ANKRD26: variants seen among roughly 807,000 people sequenced by gnomAD.
ANKRD26 encodes the protein ankyrin repeat domain 26, also known as ankyrin repeat domain-containing protein 26.
In ANKRD26, 141 loss-of-function variants were observed where a neutral mutation model predicts 208.7. The ratio of observed to expected loss-of-function variants is 0.68; its 90% CI spans 0.59 to 0.78. The LOEUF (loss-of-function observed/expected upper bound fraction) is 0.78, where lower values mean the gene tolerates loss of function less well. ANKRD26 is among the 30% of genes least tolerant of loss of function. ANKRD26 has a pLI of 0.00. For missense variants in ANKRD26, 1,889 were observed against 1,938.7 expected, an observed-to-expected ratio of 0.97 and a Z score of 0.48; for synonymous variants, 636 against 660.4, an observed-to-expected ratio of 0.96 and a Z score of 0.57.
the ANKRD26 span, among the ~76,000 whole-genome samples, chr10:26,964,910 G>A: frequency 6.6e-6 from 1 of 152,182 alleles, no homozygotes; most frequent in Non-Finnish European, 1.5e-5. Context: ...GATAAACTTT[G>A]ATAGTGAGCT....
intron 5 of ANKRD26, among the ~76,000 whole-genome samples, chr10:26,977,469 T>C (rs1274694565): frequency 6.6e-6 from 1 of 152,212 alleles, no homozygotes; most frequent in Non-Finnish European, 1.5e-5. Flanking sequence ...TCAGAAGATA[T>C]AATATTTTCT....
At chr10:27,051,110 T>C (rs749599339) in intron 16 of ANKRD26, 94 of 1,288,356 alleles carry the variant, frequency 7.3e-5, no homozygotes, top group Non-Finnish European at 8.0e-5. Context: ...ACTCTACTTT[T>C]AACATGCCTA....
rs991488259 is a variant in ANKRD26, at chr10:27,004,845, C to T, written c.*745G>A. On this transcript the variant is annotated 3_prime_UTR_variant, in exon 34 of 34. Transcript: ENST00000376087. ...GATCCTTTTGCTATAAAGGACATTA[C>T]AGAGAAGTAACAAACTAGAATGTAT... 1 of 168,192 alleles carries T rather than the reference C, an allele frequency of 5.9e-6. No individual in the cohort carries two copies. The highest frequency in any genetic ancestry group is 1.2e-5 in the Non-Finnish European group (1 of 82,774). 10.4% of individuals were successfully genotyped at this position (168,192 alleles called of 1,614,324 possible). A position where few individuals can be genotyped will look rare whatever the true frequency, so the allele number is the denominator to read the frequency against.
At chr10:26,976,605 T>C (rs1308799356) in intron 5 of ANKRD26, among the ~76,000 whole-genome samples, 1 of 152,182 alleles carries the variant, frequency 6.6e-6, no homozygotes, top group Non-Finnish European at 1.5e-5. Context: ...TGCTGTACAA[T>C]GATAATGACT....
At position 27,100,271 on chromosome 10, in the gene ANKRD26, C is replaced by G. The variant is rs201912159; in HGVS notation, c.56G>C (p.Arg19Pro). 1 of 1,609,998 alleles carries G rather than the reference C, an allele frequency of 6.2e-7. No homozygotes were observed. Residue 19 changes from arginine (R) to proline (P), a missense_variant, in exon 1 of 34, where the codon CGG (arginine) becomes CCG (proline). By Grantham distance (103) the Arg-to-Pro change is moderately radical (BLOSUM62 -2). Coordinates refer to ENST00000376087, the MANE Select transcript of ANKRD26 (RefSeq NM_014915.3). The part of the protein sequence containing the change: ...GESPLGSFAR[R>P]QRSSAGGGGE... Reference sequence around the variant, plus strand: ...CCCGCCTCCCGCGCTGCTCCTCTGCCGCCGCGCGAAGGAGCCCAAGGGCGA... The same window carrying G: ...CCCGCCTCCCGCGCTGCTCCTCTGCGGCCGCGCGAAGGAGCCCAAGGGCGA...
intron 21 of ANKRD26, among the ~76,000 whole-genome samples, chr10:27,039,557 CCA>C (rs1388307516): frequency 1.3e-5 from 2 of 151,722 alleles, no homozygotes; most frequent in African/African-American, 4.8e-5. Flanking sequence ...AAAATCTGGA[CCA>C]AAGGCCTTTT....
At chr10:27,000,079 T>C (rs1480124014), downstream of ANKRD26, among the ~76,000 whole-genome samples, 1 of 152,088 alleles carries the variant, frequency 6.6e-6, no homozygotes, top group East Asian at 1.9e-4. Flanking sequence ...GCTTCCCTGA[T>C]GGAAACCAGC....
rs764884515 is a variant in ANKRD26, at chr10:27,012,875, A to T, written c.4953+7T>A. The T allele has an allele frequency of 5.6e-6, 9 of 1,609,984 alleles. No individual in the cohort carries two copies. The African/African-American group carries it at 1.2e-4, about 22-fold the overall frequency. ...AAACCCAAAGGAAAAAAGACAACAT[A>T]ACTAACCTTGCTCAAGTAGTTCTCC... is the stretch of plus-strand genomic sequence containing the variant. On this transcript the variant is annotated splice_region_variant and intron_variant, in intron 32 of 33. Coordinates refer to ENST00000376087, the MANE Select transcript of ANKRD26 (RefSeq NM_014915.3).
chr10:27,036,818 T>G (rs1420003815), intron 23 of ANKRD26, among the ~76,000 whole-genome samples: 1 of 152,120 alleles, frequency 6.6e-6, no homozygotes, highest in African/African-American at 2.4e-5. Context: ...AGCAATAAAC[T>G]AACCTCTCCA....
chr10:27,051,023 G>T, intron 16 of ANKRD26: 1 of 1,193,052 alleles, frequency 8.4e-7, no homozygotes, highest in Non-Finnish European at 1.1e-6. Context: ...AATTGATAGA[G>T]AAAAAAACAA....
chr10:27,014,405 TC>T, intron 31 of ANKRD26, 88 bp downstream of exon 31: 1 of 1,018,686 alleles, frequency 9.8e-7, no homozygotes, highest in East Asian at 2.5e-5. Context: ...AGCTTTCACT[TC>T]CCATTAATCT....
At chr10:26,950,144 C>G in the ANKRD26 span, among the ~76,000 whole-genome samples, 42 of 152,288 alleles carry the variant, frequency 2.8e-4, no homozygotes, top group African/African-American at 9.9e-4. Flanking sequence ...TGTGTGGATG[C>G]AGGGACTTGT....
intron 32 of ANKRD26, 26 bp from the exon 33 acceptor site, chr10:27,006,988 A>G (rs1252363427): frequency 6.5e-7 from 1 of 1,548,638 alleles, no homozygotes; most frequent in Non-Finnish European, 8.9e-7. Context: ...TGTTATTTAT[A>G]ATGTTTAAGT....
chr10:27,093,139 C>T (rs2135731246), intron 3 of ANKRD26, among the ~76,000 whole-genome samples: 1 of 151,932 alleles, frequency 6.6e-6, no homozygotes, highest in South Asian at 2.1e-4. Flanking sequence ...CAAGTATTTA[C>T]AATAAATGCA....
the ANKRD26 span, among the ~76,000 whole-genome samples, chr10:26,950,916 A>G: frequency 2.0e-5 from 3 of 151,238 alleles, no homozygotes; most frequent in South Asian, 4.2e-4. Context: ...CAAGAATACA[A>G]CTGCCTCAGT....
chr10:27,064,803 A>G (rs1257439868), intron 11 of ANKRD26, among the ~76,000 whole-genome samples: 4 of 151,942 alleles, frequency 2.6e-5, no homozygotes, highest in Non-Finnish European at 5.9e-5. Flanking sequence ...TACAGAATAC[A>G]AACTCTCCCA....
At chr10:27,037,560 CA>C (rs1265436396) in intron 22 of ANKRD26, among the ~76,000 whole-genome samples, 1 of 152,070 alleles carries the variant, frequency 6.6e-6, no homozygotes, top group Non-Finnish European at 1.5e-5. Context: ...AATAAAATGT[CA>C]AAACATTTTA....
intron 15 of ANKRD26, among the ~76,000 whole-genome samples, chr10:27,058,753 T>G (rs889115413): frequency 6.6e-6 from 1 of 151,580 alleles, no homozygotes; most frequent in Non-Finnish European, 1.5e-5. Context: ...TTTTTGTATT[T>G]TTTTAGTAGA....
the ANKRD26 span, among the ~76,000 whole-genome samples, chr10:26,961,824 G>C: frequency 6.6e-6 from 1 of 152,198 alleles, no homozygotes; most frequent in African/African-American, 2.4e-5. Context: ...GTTATCTCTA[G>C]GTGTGCAGCA....
Sources: gnomAD v4.1 joint callset for allele counts (sites outside exome capture counted in the v4.1 genomes callset) on GRCh38, gnomAD v4.1.1 for gene constraint, MANE v1.5 for transcripts, NCBI Gene and HGNC (gene_info 2026-07-23, HGNC 2026-07-21) for gene names.